The following SLIT2 variants were observed in gnomAD, a reference collection of about 807,000 sequenced individuals.
The protein encoded by SLIT2 is slit homolog 2 protein.
SLIT2 carries 41 observed loss-of-function variants against 185.7 expected under a neutral mutation model. The observed-to-expected ratio is 0.22, with a 90% CI of 0.17 to 0.29. SLIT2 has a LOEUF of 0.29. Ranked by LOEUF, SLIT2 falls within the 10% of genes least tolerant of loss-of-function variation. The probability of loss-of-function intolerance (pLI) is 1.00; values close to 1 mark genes in which losing one functional copy is unlikely to be tolerated. For missense variants in SLIT2, 1,571 were observed against 1,909.0 expected, an observed-to-expected ratio of 0.82 and a Z score of 3.30; for synonymous variants, 693 against 680.2, an observed-to-expected ratio of 1.02 and a Z score of -0.29.
intron 6 of SLIT2, among the ~76,000 whole-genome samples, chr4:20,482,159 G>C (rs1716765187): frequency 6.6e-6 from 1 of 151,938 alleles, no homozygotes; most frequent in East Asian, 1.9e-4. Context: ...AAAATTCATA[G>C]ATGAGGAGAC....
intron 26 of SLIT2, among the ~76,000 whole-genome samples, chr4:20,561,826 T>C (rs913342324): frequency 3.3e-5 from 5 of 151,796 alleles, no homozygotes; most frequent in African/African-American, 1.2e-4. Flanking sequence ...TCTTTTATTA[T>C]ACTTTTTAAA....
intron 4 of SLIT2, among the ~76,000 whole-genome samples, chr4:20,278,535 T>C (rs1296183984): frequency 1.3e-5 from 2 of 152,124 alleles, no homozygotes; most frequent in Non-Finnish European, 2.9e-5. Context: ...CCCAGCCTCT[T>C]GTCACAAAAA....
At chr4:20,557,280 A>G (rs745311118) in intron 26 of SLIT2, among the ~76,000 whole-genome samples, 1 of 152,102 alleles carries the variant, frequency 6.6e-6, no homozygotes, top group African/African-American at 2.4e-5. Flanking sequence ...TAGGATTTTC[A>G]TAGCTAAAGA....
rs367586169 is a variant in SLIT2 at position 20,294,386 on chromosome 4, G to A, written c.395+25505G>A. Among the ~76,000 whole-genome samples, 285 of 151,508 alleles carry A rather than the reference G, an allele frequency of 1.9e-3. 1 individual carries two copies. Among genetic ancestry groups the A allele is most frequent in the African/African-American group, 5.6e-3 (230 of 41,368 alleles). On this transcript the variant is annotated intron_variant, in intron 4 of 36. Coordinates refer to ENST00000504154, the MANE Select transcript of SLIT2 (RefSeq NM_004787.4). ...AAGAAAGCACCCACATAATAAAAAT[G>A]TTGTGCTGGGCACTATATAAAGCCA...
intron 11 of SLIT2, 125 bp from the exon 12 acceptor site, chr4:20,519,257 A>G: frequency 1.5e-6 from 1 of 645,246 alleles, no homozygotes. Context: ...TTGTTTACTC[A>G]GCTATAACTT....
intron 4 of SLIT2, among the ~76,000 whole-genome samples, chr4:20,302,626 G>C (rs1717163172): frequency 6.6e-6 from 1 of 152,076 alleles, no homozygotes; most frequent in African/African-American, 2.4e-5. Flanking sequence ...TCATGAAAAA[G>C]GGGGATATAT....
intron 4 of SLIT2, among the ~76,000 whole-genome samples, chr4:20,269,357 A>G (rs1232371717): frequency 1.3e-5 from 2 of 151,876 alleles, no homozygotes; most frequent in Admixed American, 1.3e-4. Flanking sequence ...TTTCCTCTTA[A>G]ATGTTTCCTT....
chr4:20,505,442 T>C (rs1284987854), intron 9 of SLIT2, among the ~76,000 whole-genome samples: 1 of 152,120 alleles, frequency 6.6e-6, no homozygotes, highest in African/African-American at 2.4e-5. Flanking sequence ...TTATTTTATA[T>C]AGTTTGTCAA....
intron 4 of SLIT2, among the ~76,000 whole-genome samples, chr4:20,321,309 C>T (rs1479337655): frequency 6.6e-6 from 1 of 152,218 alleles, no homozygotes; most frequent in Non-Finnish European, 1.5e-5. Context: ...GATTTTCCCA[C>T]CACACTATCT....
intron 4 of SLIT2, among the ~76,000 whole-genome samples, chr4:20,329,448 A>C (rs1719881741): frequency 6.6e-6 from 1 of 152,000 alleles, no homozygotes; most frequent in African/African-American, 2.4e-5. Context: ...TTGTTTTACC[A>C]CAGGTGTTTG....
At chr4:20,258,405 TATA>T (rs1712087334) in intron 3 of SLIT2, among the ~76,000 whole-genome samples, 1 of 151,296 alleles carries the variant, frequency 6.6e-6, no homozygotes, top group Admixed American at 6.6e-5. Flanking sequence ...TTTACTTTTT[TATA>T]TTTAGCGTGG....
intron 11 of SLIT2, among the ~76,000 whole-genome samples, chr4:20,517,579 G>T (rs943909813): frequency 1.3e-5 from 2 of 151,944 alleles, no homozygotes; most frequent in Non-Finnish European, 2.9e-5. Flanking sequence ...TCTAATTGAT[G>T]TACTTTTCTA....
chr4:20,327,472 G>T (rs571100612), intron 4 of SLIT2, among the ~76,000 whole-genome samples: 1 of 152,038 alleles, frequency 6.6e-6, no homozygotes, highest in African/African-American at 2.4e-5. Context: ...ATGCAGCTTT[G>T]TTGCTTTTAT....
chr4:20,530,998 CAT>C (rs1459289736), intron 16 of SLIT2, among the ~76,000 whole-genome samples: 2 of 150,634 alleles, frequency 1.3e-5, no homozygotes, highest in Non-Finnish European at 3.0e-5. Flanking sequence ...GGGAGAGTAA[CAT>C]AGTGGAAGAA....
At chr4:20,404,862 T>C (rs1046089186) in intron 4 of SLIT2, among the ~76,000 whole-genome samples, 4 of 152,010 alleles carry the variant, frequency 2.6e-5, no homozygotes, top group African/African-American at 9.7e-5. Context: ...ACTCACAAGA[T>C]CGTATGAGTC....
At chr4:20,435,435 A>G (rs1003052191) in intron 4 of SLIT2, among the ~76,000 whole-genome samples, 8 of 152,196 alleles carry the variant, frequency 5.3e-5, no homozygotes, top group African/African-American at 1.7e-4. Context: ...GGCTAAGAGA[A>G]TACATGCTTA....
intron 19 of SLIT2, 108 bp from the exon 20 acceptor site, chr4:20,541,345 A>G: frequency 1.1e-6 from 1 of 878,854 alleles, no homozygotes; most frequent in South Asian, 1.7e-5. Flanking sequence ...TGCAAAGAAG[A>G]AGGAATCATT....
At chr4:20,478,816 G>GAT (rs945093215) in intron 5 of SLIT2, among the ~76,000 whole-genome samples, 57 of 151,920 alleles carry the variant, frequency 3.8e-4, no homozygotes, top group African/African-American at 1.1e-3. Flanking sequence ...TAGTAGTGTA[G>GAT]ATATATATAT....
In SLIT2 at chr4:20,616,807, CATAATAGGTTGG is replaced by C. The variant is rs1222512255; in HGVS notation, c.3848-102_3848-91del. The C allele has an allele frequency of 2.6e-4, 332 of 1,278,994 alleles. 5 individuals are homozygous for C. In the South Asian group the frequency reaches 4.5e-3, roughly 17 times the overall value. 79.2% of individuals were successfully genotyped at this position (1,278,994 alleles called of 1,614,324 possible). A position where few individuals can be genotyped will look rare whatever the true frequency, so the allele number is the denominator to read the frequency against. On this transcript the variant is annotated intron_variant, in intron 34 of 36. Coordinates refer to ENST00000504154, the MANE Select transcript of SLIT2 (RefSeq NM_004787.4). ...CTACCACCCTGCCCAAATATCCTGC[CATAATAGGTTGG>C]CAGTGAGGTCCCAAGCATCAGTATT...
Sources: gnomAD v4.1 joint callset for allele counts (sites outside exome capture counted in the v4.1 genomes callset) on GRCh38, gnomAD v4.1.1 for gene constraint, MANE v1.5 for transcripts, NCBI Gene and HGNC (gene_info 2026-07-23, HGNC 2026-07-21) for gene names.